RNF114: variants seen among roughly 807,000 people sequenced by gnomAD.
The protein encoded by RNF114 is E3 ubiquitin-protein ligase RNF114.
RNF114 carries 6 observed loss-of-function variants against 28.4 expected under a neutral mutation model. The ratio of observed to expected loss-of-function variants is 0.21; its 90% CI spans 0.12 to 0.42. The LOEUF is 0.42. Among genes scored for constraint, RNF114 ranks in the 10% least tolerant of loss-of-function variants. The probability of loss-of-function intolerance (pLI) is 1.00; values close to 1 mark genes in which losing one functional copy is unlikely to be tolerated. For synonymous variants in RNF114, 115 were observed against 116.7 expected (o/e 0.99, Z 0.09); for missense variants, 249 against 311.7 (o/e 0.80, Z 1.51).
intron 5 of RNF114, among the ~76,000 whole-genome samples, chr20:49,950,361 A>G (rs968271805): frequency 6.6e-6 from 1 of 151,926 alleles, no homozygotes; most frequent in African/African-American, 2.4e-5. Context: ...TGTGGTTTAT[A>G]TAATTTCTGC....
At chr20:49,946,073 T>G in intron 3 of RNF114, 63 bp from the exon 4 acceptor site, 3 of 820,526 alleles carry the variant, frequency 3.7e-6, no homozygotes, top group Non-Finnish European at 4.0e-6. Flanking sequence ...TGTACTGTGG[T>G]TGAAGTTTAA....
At chr20:49,942,208 A>G (rs915221667) in intron 2 of RNF114, among the ~76,000 whole-genome samples, 3 of 152,198 alleles carry the variant, frequency 2.0e-5, no homozygotes, top group South Asian at 2.1e-4. Context: ...ACAGTGATCT[A>G]TGATCATGCC....
At chr20:49,947,939 G>T (rs904842308) in intron 4 of RNF114, among the ~76,000 whole-genome samples, 1 of 151,170 alleles carries the variant, frequency 6.6e-6, no homozygotes, top group African/African-American at 2.4e-5. Flanking sequence ...CTACAGGTGC[G>T]CGCCACCATG....
At chr20:49,940,477 C>T (rs201720304) in intron 1 of RNF114, among the ~76,000 whole-genome samples, 1,155 of 124,536 alleles carry the variant, frequency 9.3e-3, no homozygotes, top group Middle Eastern at 0.011. Context: ...TGCAGTGGCG[C>T]GATCTTGGCT....
chr20:49,937,345 G>C (rs997677948), intron 1 of RNF114, among the ~76,000 whole-genome samples: 14 of 152,204 alleles, frequency 9.2e-5, no homozygotes, highest in African/African-American at 3.4e-4. Flanking sequence ...GTGGCCACCT[G>C]CTTCTTGCCT....
At chr20:49,942,786 T>C (rs1418666151) in intron 2 of RNF114, among the ~76,000 whole-genome samples, 1 of 152,078 alleles carries the variant, frequency 6.6e-6, no homozygotes, top group East Asian at 1.9e-4. Context: ...TTCGTGCCAC[T>C]GCACTCCATC....
chr20:49,948,694 C>G (rs943978333), intron 4 of RNF114, among the ~76,000 whole-genome samples: 1 of 152,156 alleles, frequency 6.6e-6, no homozygotes, highest in Non-Finnish European at 1.5e-5. Context: ...GCTTTGGCCT[C>G]CCAAAGTGCT....
At position 49,936,441 on chromosome 20, in the gene RNF114, G is replaced by A. The variant is rs1288989588; in HGVS notation, c.29G>A (p.Gly10Asp). MAAQQRDCG[G>D]AAQLAGPAAE... ...GCGGCGCAACAGCGGGACTGCGGGG[G>A]TGCTGCGCAGCTGGCGGGGCCGGCG... Residue 10 changes from glycine (G) to aspartate (D), a missense_variant, in exon 1 of 6, where the codon GGT (glycine) becomes GAT (aspartate). This residue lies in a region of RNF114 where 123 missense variants were observed against 106.4 expected (regional missense o/e 1.16). Coordinates refer to ENST00000244061, the MANE Select transcript of RNF114 (RefSeq NM_018683.4). 2 of 1,545,302 alleles carry A rather than the reference G, an allele frequency of 1.3e-6. No individual in the cohort carries two copies. Among genetic ancestry groups the A allele is most frequent in the Non-Finnish European group, 1.7e-6 (2 of 1,146,610 alleles).
chr20:49,938,152 C>T (rs565926113), intron 1 of RNF114, among the ~76,000 whole-genome samples: 14 of 152,224 alleles, frequency 9.2e-5, no homozygotes, highest in African/African-American at 2.2e-4. Context: ...TCAGATTTAC[C>T]TGATTTTGGA....
At chr20:49,942,759 G>A (rs532764749) in intron 2 of RNF114, among the ~76,000 whole-genome samples, 1 of 152,302 alleles carries the variant, frequency 6.6e-6, no homozygotes, top group Admixed American at 6.5e-5. Flanking sequence ...AGGAGGCAGA[G>A]GTTGCAGTGA....
intron 2 of RNF114, among the ~76,000 whole-genome samples, chr20:49,943,675 T>C (rs1242680109): frequency 2.4e-4 from 26 of 107,032 alleles, no homozygotes; most frequent in African/African-American, 7.0e-4. Context: ...TTTTTTTTTT[T>C]TGAGACGGAG....
chr20:49,940,188 G>A (rs60300309), intron 1 of RNF114, among the ~76,000 whole-genome samples: 1,683 of 152,006 alleles, frequency 0.011, 42 homozygotes, highest in African/African-American at 0.038. Context: ...CTGTTTATGA[G>A]GAAAAGTCTG....
chr20:49,946,241 C>T lies in RNF114; in HGVS notation c.504C>T (p.Thr168=), dbSNP rs370260243. 3.7e-5 allele frequency: 56 copies of T among 1,519,660 alleles called. No homozygotes were observed. In the African/African-American group the frequency reaches 6.3e-4, roughly 17 times the overall value. 94.1% of individuals were successfully genotyped at this position (1,519,660 alleles called of 1,614,324 possible). ...GCAAATTATTCCATAGCACGGATAC[C>T]AAATCTGTGGTGAGTAACCTTTTTT... ...EHCKLFHSTD[T]KSVVCPICAS... Residue 168 remains threonine (T), a synonymous_variant, in exon 4 of 6, where the codon ACC becomes ACT. Transcript: ENST00000244061.
At chr20:49,945,296 GTTTTCTTT>G in intron 2 of RNF114, 78 bp from the exon 3 acceptor site, 3 of 797,128 alleles carry the variant, frequency 3.8e-6, no homozygotes, top group Admixed American at 2.0e-5. Flanking sequence ...TGTAGGTCTA[GTTTTCTTT>G]GTGCCCTTGT....
At position 49,952,340 on chromosome 20, in the gene RNF114, T is replaced by C; in HGVS notation, c.*199T>C. 1.7e-6 allele frequency: 1 copy of C among 584,836 alleles called. No individual in the cohort carries two copies. The highest frequency in any genetic ancestry group is 3.1e-6 in the Non-Finnish European group (1 of 321,622). The allele number at this position is 584,836 out of a possible 1,614,324, so 36.2% of individuals were successfully genotyped here. A position where few individuals can be genotyped will look rare whatever the true frequency, so the allele number is the denominator to read the frequency against. On this transcript the variant is annotated 3_prime_UTR_variant, in exon 6 of 6. Coordinates refer to ENST00000244061, the MANE Select transcript of RNF114 (RefSeq NM_018683.4). ...CCTTTGGGCTCTTGCCAAAGCTGTCTTCCCCTACTGTTAACCTTGTTTGTC... is the reference window on the plus strand; with the variant it reads ...CCTTTGGGCTCTTGCCAAAGCTGTCCTCCCCTACTGTTAACCTTGTTTGTC...
Position 49,949,359 on chromosome 20 carries a change from A to T in RNF114, c.621+4A>T. On this transcript the variant is annotated splice_donor_region_variant and intron_variant, in intron 5 of 5. Transcript: ENST00000244061. ...GTTTTCTTATGACACTTTTGTGGTA[A>T]GTCTGGAGCCTGGGCTCTGATCCCT... 1 of 1,612,420 alleles carries T rather than the reference A, an allele frequency of 6.2e-7. No homozygotes were observed. Among genetic ancestry groups the T allele is most frequent in the Non-Finnish European group, 8.5e-7 (1 of 1,179,118 alleles).
chr20:49,939,344 A>T (rs1168273624), intron 1 of RNF114, among the ~76,000 whole-genome samples: 3 of 152,202 alleles, frequency 2.0e-5, no homozygotes, highest in African/African-American at 7.2e-5. Flanking sequence ...AATTTTGCCT[A>T]ACAGCATTAA....
In RNF114 at chr20:49,946,456, A is replaced by T. The variant is rs551988216; in HGVS notation, c.513+206A>T. Among the ~76,000 whole-genome samples the T allele has an allele frequency of 1.1e-4, 17 of 152,210 alleles. No individual in the cohort carries two copies. The South Asian group carries it at 3.5e-3, about 32-fold the overall frequency. ...GGAATAAGCTACAGATACCATGACC[A>T]TTTTTGCACCCTGAATACTTCGCAC... On this transcript the variant is annotated intron_variant, in intron 4 of 5. Coordinates refer to ENST00000244061, the MANE Select transcript of RNF114 (RefSeq NM_018683.4).
At chr20:49,948,429 ATT>A (rs571295310) in intron 4 of RNF114, among the ~76,000 whole-genome samples, 12 of 135,954 alleles carry the variant, frequency 8.8e-5, no homozygotes, top group Admixed American at 7.4e-5. Flanking sequence ...CTGGAGCACA[ATT>A]TTTTTTTTTT....
Sources: gnomAD v4.1 joint callset for allele counts (sites outside exome capture counted in the v4.1 genomes callset) on GRCh38, gnomAD v4.1.1 for gene constraint, gnomAD v4.1.1 regional missense constraint, MANE v1.5 for transcripts, NCBI Gene and HGNC (gene_info 2026-07-23, HGNC 2026-07-21) for gene names.